The following ATP6V1H variants were observed in gnomAD, a reference collection of about 807,000 sequenced individuals.
ATP6V1H encodes ATPase H+ transporting V1 subunit H, also known as V-type proton ATPase subunit H.
Under a neutral mutation model 71.7 loss-of-function variants are expected in ATP6V1H, and 39 were observed. The observed-to-expected ratio is 0.54, with a 90% CI of 0.42 to 0.71. The LOEUF (loss-of-function observed/expected upper bound fraction) is 0.71, where lower values mean the gene tolerates loss of function less well. ATP6V1H is among the 30% of genes least tolerant of loss of function. The pLI is 0.00. For missense variants in ATP6V1H, 509 were observed against 594.9 expected (o/e 0.86, Z 1.50); for synonymous variants, 192 against 199.3 (o/e 0.96, Z 0.31).
chr8:53,826,462 T>C (rs973020656), intron 4 of ATP6V1H, among the ~76,000 whole-genome samples: 7 of 152,186 alleles, frequency 4.6e-5, no homozygotes, highest in African/African-American at 1.7e-4. Context: ...ACCATGTAGC[T>C]GTCAAAAACA....
intron 1 of ATP6V1H, chr8:53,842,681 C>T (rs1196083023): frequency 6.6e-6 from 1 of 152,250 alleles, no homozygotes; most frequent in Non-Finnish European, 1.5e-5. Flanking sequence ...CTCAGCGGCC[C>T]GTCCTGGCGT....
chr8:53,724,740 C>T (rs968541015), intron 13 of ATP6V1H, among the ~76,000 whole-genome samples: 1 of 151,872 alleles, frequency 6.6e-6, no homozygotes, highest in Non-Finnish European at 1.5e-5. Context: ...ACAAATCTCT[C>T]TCTCATTTAA....
chr8:53,772,411 A>C (rs1048010466), intron 9 of ATP6V1H, among the ~76,000 whole-genome samples: 4 of 152,186 alleles, frequency 2.6e-5, no homozygotes, highest in African/African-American at 9.7e-5. Context: ...TTTGACCCAG[A>C]TGAGCCCTAC....
chr8:53,833,409 A>G (rs1585839084), intron 2 of ATP6V1H, among the ~76,000 whole-genome samples: 1 of 151,888 alleles, frequency 6.6e-6, no homozygotes. Context: ...GTAAAATGTC[A>G]CCTCTCAGCA....
chr8:53,717,862 T>C (rs555903278), intron 13 of ATP6V1H, among the ~76,000 whole-genome samples: 71 of 152,348 alleles, frequency 4.7e-4, no homozygotes, highest in African/African-American at 1.5e-3. Flanking sequence ...ATTTCAATTT[T>C]AGACTCTTTA....
intron 9 of ATP6V1H, among the ~76,000 whole-genome samples, chr8:53,794,990 G>A (rs1180283259): frequency 6.6e-6 from 1 of 152,042 alleles, no homozygotes; most frequent in African/African-American, 2.4e-5. Flanking sequence ...CTTCAACCAA[G>A]CCATCCCATA....
At chr8:53,728,337 C>G (rs1282066280) in intron 13 of ATP6V1H, among the ~76,000 whole-genome samples, 2 of 152,168 alleles carry the variant, frequency 1.3e-5, no homozygotes, top group Non-Finnish European at 2.9e-5. Context: ...CATGCAGACT[C>G]AGCTGTGCTG....
chr8:53,728,921 T>C (rs1806917022), intron 13 of ATP6V1H, among the ~76,000 whole-genome samples: 1 of 152,230 alleles, frequency 6.6e-6, no homozygotes, highest in African/African-American at 2.4e-5. Context: ...CACTAACAGA[T>C]TCTAGCTCCA....
intron 12 of ATP6V1H, among the ~76,000 whole-genome samples, chr8:53,745,229 C>T (rs1421690087): frequency 6.6e-6 from 1 of 151,790 alleles, no homozygotes; most frequent in African/African-American, 2.4e-5. Flanking sequence ...ATACTGTCCC[C>T]ACAAAAAAAT....
At chr8:53,817,358 T>G in intron 5 of ATP6V1H, 59 bp downstream of exon 5, 11 of 1,172,822 alleles carry the variant, frequency 9.4e-6, no homozygotes, top group Non-Finnish European at 1.3e-5. Context: ...GACAACATAG[T>G]GAGACCCTCT....
chr8:53,726,945 T>C (rs754750010), intron 13 of ATP6V1H, among the ~76,000 whole-genome samples: 1 of 152,250 alleles, frequency 6.6e-6, no homozygotes, highest in Non-Finnish European at 1.5e-5. Context: ...TCTTTAGTTA[T>C]GAGGAAAACA....
chr8:53,829,583 T>C, intron 3 of ATP6V1H, 50 bp from the exon 4 acceptor site: 2 of 1,178,630 alleles, frequency 1.7e-6, no homozygotes, highest in South Asian at 2.7e-5. Flanking sequence ...GCAGACACAT[T>C]TCAATGGAAC....
chr8:53,809,788 A>G (rs1193485252), intron 7 of ATP6V1H, among the ~76,000 whole-genome samples: 1 of 152,210 alleles, frequency 6.6e-6, no homozygotes, highest in Non-Finnish European at 1.5e-5. Context: ...AAGACTCTCA[A>G]TTTAAGCAAA....
At chr8:53,743,443 T>A in intron 13 of ATP6V1H, 134 bp downstream of exon 13, 1 of 612,194 alleles carries the variant, frequency 1.6e-6, no homozygotes, top group Middle Eastern at 4.3e-4. Context: ...ATTACTAAAA[T>A]ATATTTCTAA....
intron 11 of ATP6V1H, among the ~76,000 whole-genome samples, chr8:53,758,609 A>G (rs1808154282): frequency 6.6e-6 from 1 of 152,232 alleles, no homozygotes; most frequent in Non-Finnish European, 1.5e-5. Flanking sequence ...ATTGGAGTGC[A>G]TATTCAAGGC....
chr8:53,789,052 A>G (rs1809478658), intron 9 of ATP6V1H, among the ~76,000 whole-genome samples: 1 of 152,248 alleles, frequency 6.6e-6, no homozygotes, highest in Non-Finnish European at 1.5e-5. Flanking sequence ...ATTGCCTTAC[A>G]TATATTTGGT....
chr8:53,818,158 T>C (rs767307070), intron 4 of ATP6V1H, among the ~76,000 whole-genome samples: 19 of 152,236 alleles, frequency 1.2e-4, no homozygotes, highest in Non-Finnish European at 2.2e-4. Context: ...CACTTTCTGA[T>C]TCATTATGTG....
At position 53,820,061 on chromosome 8, in the gene ATP6V1H, A is replaced by G. The variant is rs146606159; in HGVS notation, c.307-2531T>C. On this transcript the variant is annotated intron_variant, in intron 4 of 13. Coordinates refer to ENST00000359530, the MANE Select transcript of ATP6V1H (RefSeq NM_015941.4). ...CAACAAAAGCTATCTCTCATACTCC[A>G]TCACAAGCTTTTGTGGATGATAAAG... is the stretch of plus-strand genomic sequence containing the variant. 2.3e-3 allele frequency among the ~76,000 whole-genome samples: 344 copies of G among 152,222 alleles called. 2 individuals are homozygous for G. The highest frequency in any genetic ancestry group is 7.9e-3 in the African/African-American group (327 of 41,550).
intron 9 of ATP6V1H, among the ~76,000 whole-genome samples, chr8:53,785,820 C>A (rs995101343): frequency 1.2e-4 from 19 of 152,192 alleles, no homozygotes; most frequent in Admixed American, 1.2e-3. Context: ...CCCTGTTTGC[C>A]TGGGTATCAG....
Sources: gnomAD v4.1 joint callset for allele counts (sites outside exome capture counted in the v4.1 genomes callset) on GRCh38, gnomAD v4.1.1 for gene constraint, MANE v1.5 for transcripts, NCBI Gene and HGNC (gene_info 2026-07-23, HGNC 2026-07-21) for gene names.